SLC45A3: variants seen among roughly 807,000 people sequenced by gnomAD.
SLC45A3 encodes the protein prostate cancer associated protein 2.
SLC45A3 carries 17 observed loss-of-function variants against 35.3 expected under a neutral mutation model. The ratio of observed to expected loss-of-function variants is 0.48; its 90% CI spans 0.33 to 0.72. SLC45A3 has a LOEUF of 0.72. SLC45A3 is among the 30% of genes least tolerant of loss of function. The probability of loss-of-function intolerance (pLI) is 0.02; values close to 1 mark genes in which losing one functional copy is unlikely to be tolerated. For missense variants in SLC45A3, 597 were observed against 731.7 expected (o/e 0.82, Z 2.12); for synonymous variants, 288 against 334.3 (o/e 0.86, Z 1.51).
chr1:205,673,150 T>C (rs567723678), intron 1 of SLC45A3, among the ~76,000 whole-genome samples: 2 of 152,230 alleles, frequency 1.3e-5, no homozygotes, highest in African/African-American at 4.8e-5. Context: ...CCAGGACATC[T>C]GGGGGTAGAA....
Position 205,662,234 on chromosome 1 carries a change from G to A in SLC45A3, c.959-108C>T. On this transcript the variant is annotated intron_variant, in intron 3 of 4. Transcript: ENST00000367145. This position sits in a 1 kb window ranked among gnomAD's most constrained non-coding sequence, Gnocchi z 6.2. ...AGGTACCTGCTGCACGAGACCTGCT[G>A]TGGACCAGCCCTGCTCCCCAGCACC... The A allele has an allele frequency of 6.8e-7, 1 of 1,472,832 alleles. No homozygotes were observed. The highest frequency in any genetic ancestry group is 1.4e-5 in the South Asian group (1 of 71,404). 91.2% of individuals were successfully genotyped at this position (1,472,832 alleles called of 1,614,324 possible). A position where few individuals can be genotyped will look rare whatever the true frequency, so the allele number is the denominator to read the frequency against.
In SLC45A3 at chr1:205,666,840, G is replaced by C. The variant is rs1671127159; in HGVS notation, c.-230-1954C>G. 2.0e-5 allele frequency among the ~76,000 whole-genome samples: 3 copies of C among 152,342 alleles called. No individual in the cohort carries two copies. The highest frequency in any genetic ancestry group is 2.9e-5 in the Non-Finnish European group (2 of 68,038). ...ACAGTACCCCCAAGAAGGAAAGCAGGAGACAGCACAGAGACCAAGAGGCAG... is the reference window on the plus strand; with the variant it reads ...ACAGTACCCCCAAGAAGGAAAGCAGCAGACAGCACAGAGACCAAGAGGCAG... On this transcript the variant is annotated intron_variant, in intron 1 of 4. Coordinates refer to ENST00000367145, the MANE Select transcript of SLC45A3 (RefSeq NM_033102.3). The surrounding 1 kb of genome is among the most constrained non-coding windows in gnomAD (Gnocchi z 4.1).
rs1260165944 is a variant in SLC45A3 at position 205,658,540 on chromosome 1, G to T, written c.*694C>A. 8.6e-6 allele frequency: 2 copies of T among 232,902 alleles called. No individual in the cohort carries two copies. Among genetic ancestry groups the T allele is most frequent in the African/African-American group, 4.4e-5 (2 of 45,302 alleles). The allele number at this position is 232,902 out of a possible 1,614,324, so 14.4% of individuals were successfully genotyped here. On this transcript the variant is annotated 3_prime_UTR_variant, in exon 5 of 5. Coordinates refer to ENST00000367145, the MANE Select transcript of SLC45A3 (RefSeq NM_033102.3). Reference sequence around the variant, plus strand: ...CACCAACACAGAAAAGCTAGCAATGGATTCCCTTCTACTTTGTTAAATAAA... The same window carrying T: ...CACCAACACAGAAAAGCTAGCAATGTATTCCCTTCTACTTTGTTAAATAAA...
At position 205,659,126 on chromosome 1, in the gene SLC45A3, G is replaced by A; in HGVS notation, c.*108C>T. On this transcript the variant is annotated 3_prime_UTR_variant, in exon 5 of 5. Transcript: ENST00000367145. The surrounding 1 kb of genome is among the most constrained non-coding windows in gnomAD (Gnocchi z 5.8). ...TGGCAGCAGAGAGCCACATTACTTT[G>A]GCAGCAACAGAAACTGGCGGCCAGC... 1 of 1,167,776 alleles carries A rather than the reference G, an allele frequency of 8.6e-7. No individual in the cohort carries two copies. The highest frequency in any genetic ancestry group is 2.4e-5 in the East Asian group (1 of 41,600). The allele number at this position is 1,167,776 out of a possible 1,614,324, so 72.3% of individuals were successfully genotyped here.
chr1:205,680,284 C>G (rs1300876798), intron 1 of SLC45A3, 110 bp downstream of exon 1: 1 of 152,078 alleles, frequency 6.6e-6, no homozygotes, highest in African/African-American at 2.4e-5. Flanking sequence ...GGCGCAGCCC[C>G]ATCCCGCGGG....
At position 205,659,087 on chromosome 1, in the gene SLC45A3, T is replaced by G. The variant is rs1300282257; in HGVS notation, c.*147A>C. 5 of 801,584 alleles carry G rather than the reference T, an allele frequency of 6.2e-6. No homozygotes were observed. In the African/African-American group the frequency reaches 8.7e-5, roughly 14 times the overall value. 49.7% of individuals were successfully genotyped at this position (801,584 alleles called of 1,614,324 possible). On this transcript the variant is annotated 3_prime_UTR_variant, in exon 5 of 5. Transcript: ENST00000367145. The surrounding 1 kb of genome is among the most constrained non-coding windows in gnomAD (Gnocchi z 5.8). Reference sequence around the variant, plus strand: ...GCCCCCAGCTGTGCAGCTACGCACCTCAGCAGCACAGGGTGGCAGCAGAGA... The same window carrying G: ...GCCCCCAGCTGTGCAGCTACGCACCGCAGCAGCACAGGGTGGCAGCAGAGA...
At position 205,674,602 on chromosome 1, in the gene SLC45A3, C is replaced by CA. The variant is rs57508315; in HGVS notation, c.-231+5791dup. On this transcript the variant is annotated intron_variant, in intron 1 of 4. Transcript: ENST00000367145. ...ATGCCATCCAAAATTGATGCTGTTT[C>CA]AAAAAAAAAAAAAAAAAAAAAAAAA... is the stretch of plus-strand genomic sequence containing the variant. Among the ~76,000 whole-genome samples, 478 of 95,368 alleles carry CA rather than the reference C, an allele frequency of 5.0e-3. 20 individuals are homozygous for CA. The East Asian group carries it at 0.076, about 15-fold the overall frequency. The allele number at this position is 95,368 out of a possible 152,430, so 62.6% of individuals were successfully genotyped here. A position where few individuals can be genotyped will look rare whatever the true frequency, so the allele number is the denominator to read the frequency against.
intron 1 of SLC45A3, among the ~76,000 whole-genome samples, chr1:205,675,694 A>G (rs79390558): frequency 0.011 from 1,638 of 152,234 alleles, 31 homozygotes; most frequent in African/African-American, 0.037. Context: ...GGAATTCATC[A>G]GCACTAGGCT....
At chr1:205,675,705 T>G (rs750751309) in intron 1 of SLC45A3, among the ~76,000 whole-genome samples, 2 of 152,132 alleles carry the variant, frequency 1.3e-5, no homozygotes, top group African/African-American at 2.4e-5. Context: ...GCACTAGGCT[T>G]GTTTTTGCTT....
chr1:205,678,822 AG>A (rs1312239708), intron 1 of SLC45A3, among the ~76,000 whole-genome samples: 3 of 152,198 alleles, frequency 2.0e-5, no homozygotes. Flanking sequence ...GGGAGGAATG[AG>A]GGAATGGGAC....
chr1:205,662,224 G>A lies in SLC45A3; in HGVS notation c.959-98C>T, dbSNP rs544038878. 27 of 1,481,604 alleles carry A rather than the reference G, an allele frequency of 1.8e-5. No individual in the cohort carries two copies. The highest frequency in any genetic ancestry group is 1.7e-4 in the South Asian group (12 of 72,524). The allele number at this position is 1,481,604 out of a possible 1,614,324, so 91.8% of individuals were successfully genotyped here. A position where few individuals can be genotyped will look rare whatever the true frequency, so the allele number is the denominator to read the frequency against. The stretch of plus-strand genomic sequence containing the variant: ...GCGGAACCACAGGTACCTGCTGCAC[G>A]AGACCTGCTGTGGACCAGCCCTGCT... On this transcript the variant is annotated intron_variant, in intron 3 of 4. Coordinates refer to ENST00000367145, the MANE Select transcript of SLC45A3 (RefSeq NM_033102.3). This position sits in a 1 kb window ranked among gnomAD's most constrained non-coding sequence, Gnocchi z 6.2.
intron 1 of SLC45A3, among the ~76,000 whole-genome samples, chr1:205,667,937 G>A (rs955353502): frequency 1.3e-5 from 2 of 152,172 alleles, no homozygotes; most frequent in South Asian, 2.1e-4. Context: ...TTTCTCCAAC[G>A]CCCCCCATCC....
intron 4 of SLC45A3, among the ~76,000 whole-genome samples, chr1:205,660,540 C>T (rs76733239): frequency 2.3e-4 from 35 of 152,288 alleles, no homozygotes; most frequent in East Asian, 1.9e-3. Context: ...GCTCACCATG[C>T]AGCTCAACAA....
At chr1:205,679,685 A>AAC (rs55762304) in intron 1 of SLC45A3, among the ~76,000 whole-genome samples, 8,458 of 138,722 alleles carry the variant, frequency 0.061, 450 homozygotes, top group East Asian at 0.17. Flanking sequence ...GGGACACAGT[A>AAC]ACACACACAC....
At chr1:205,675,022 T>A (rs1219640882) in intron 1 of SLC45A3, among the ~76,000 whole-genome samples, 2 of 152,184 alleles carry the variant, frequency 1.3e-5, no homozygotes, top group African/African-American at 2.4e-5. Context: ...AGCCTAAGTA[T>A]CCATTTTTAT....
In SLC45A3 at chr1:205,666,354, A is replaced by T. The variant is rs892180281; in HGVS notation, c.-230-1468T>A. 3.3e-5 allele frequency among the ~76,000 whole-genome samples: 5 copies of T among 152,160 alleles called. No homozygotes were observed. Among genetic ancestry groups the T allele is most frequent in the East Asian group, 1.9e-4 (1 of 5,192 alleles). On this transcript the variant is annotated intron_variant, in intron 1 of 4. Transcript: ENST00000367145. The surrounding 1 kb of genome is among the most constrained non-coding windows in gnomAD (Gnocchi z 4.1). ...GAGACCCCCTCTCTACAAAAAATTT[A>T]AAAATTATCCAGGCGTGGTAGTATG...
chr1:205,679,063 G>GCCCCTAGGACCTCAA (rs1671357251), intron 1 of SLC45A3, among the ~76,000 whole-genome samples: 1 of 152,110 alleles, frequency 6.6e-6, no homozygotes, highest in Admixed American at 6.6e-5. Flanking sequence ...GTAGTCCGAA[G>GCCCCTAGGACCTCAA]CCCCTAGGAC....
In SLC45A3 at chr1:205,662,980, G is replaced by A; in HGVS notation, c.811C>T (p.Leu271=). 8 of 1,613,556 alleles carry A rather than the reference G, an allele frequency of 5.0e-6. No individual in the cohort carries two copies. Among genetic ancestry groups the A allele is most frequent in the Non-Finnish European group, 6.8e-6 (8 of 1,179,934 alleles). ...HQLCCRMPRT[L]RRLFVAELCS... ...AGCTCAGCCACGAAGAGCCGGCGCA[G>A]GGTGCGGGGCATGCGGCAGCACAGC... is the stretch of plus-strand genomic sequence containing the variant. The change falls in exon 3 of 5, where the codon CTG becomes TTG. Residue 271 remains leucine, a synonymous_variant. Transcript: ENST00000367145. The surrounding 1 kb of genome is among the most constrained non-coding windows in gnomAD (Gnocchi z 6.2).
At chr1:205,671,033 C>T (rs1021776308) in intron 1 of SLC45A3, among the ~76,000 whole-genome samples, 13 of 152,196 alleles carry the variant, frequency 8.5e-5, no homozygotes, top group African/African-American at 3.1e-4. Context: ...GGAAAGGAAA[C>T]AAATGCCAGA....
Sources: gnomAD v4.1 joint callset for allele counts (sites outside exome capture counted in the v4.1 genomes callset) on GRCh38, gnomAD v4.1.1 for gene constraint, Gnocchi (gnomAD v3.1) non-coding constraint, MANE v1.5 for transcripts, NCBI Gene and HGNC (gene_info 2026-07-23, HGNC 2026-07-21) for gene names.